STAT5B: variants seen among roughly 807,000 people sequenced by gnomAD.
STAT5B encodes the protein signal transducer and activator of transcription 5B, also known as transcription factor STAT5B.
Under a neutral mutation model 107.8 loss-of-function variants are expected in STAT5B, and 21 were observed. The observed-to-expected ratio is 0.19, with a 90% confidence interval of 0.14 to 0.28. The LOEUF (loss-of-function observed/expected upper bound fraction) is 0.28, where lower values mean the gene tolerates loss of function less well. Among genes scored for constraint, STAT5B ranks in the 10% least tolerant of loss-of-function variants. The pLI, the probability that STAT5B is intolerant of heterozygous loss-of-function variation, is 1.00. For missense variants in STAT5B, 565 were observed against 1,008.2 expected (o/e 0.56, Z 5.95); for synonymous variants, 325 against 401.7 (o/e 0.81, Z 2.28).
Position 42,276,385 on chromosome 17 carries a change from G to T in STAT5B, c.-148C>A, listed in dbSNP as rs891594690. ...GGTCCCCGCCCGGGGTGACGGCTCC[G>T]GCCGCCGACTCTCCTCCCGCCGGGG... On this transcript the variant is annotated 5_prime_UTR_variant, in exon 1 of 19. Transcript: ENST00000293328. This position sits in a 1 kb window ranked among gnomAD's most constrained non-coding sequence, Gnocchi z 4.8. 6.8e-6 allele frequency: 1 copy of T among 146,998 alleles called. No homozygotes were observed. The highest frequency in any genetic ancestry group is 2.1e-4 in the South Asian group (1 of 4,802). The allele number at this position is 146,998 out of a possible 1,614,324, so 9.1% of individuals were successfully genotyped here.
rs1420861616 is a variant in STAT5B at position 42,217,390 on chromosome 17, T to C, written c.1244A>G (p.His415Arg). The C allele has an allele frequency of 6.2e-7, 1 of 1,614,104 alleles. No individual in the cohort carries two copies. Among genetic ancestry groups the C allele is most frequent in the Non-Finnish European group, 8.5e-7 (1 of 1,180,050 alleles). The change falls in exon 10 of 19, where the codon CAC becomes CGC. Residue 415 changes from histidine to arginine, a missense_variant. By Grantham distance (29) the His-to-Arg change is conservative. Around this residue, in one of 11 missense-constraint regions of STAT5B, gnomAD observed 70 missense variants for 73.2 expected, o/e 0.96. Transcript: ENST00000293328. ...TTCCACCCTCACCATATTCCTGAAG[T>C]GGGCACTAAGGGTGCCTGTGGCTTG... is the stretch of plus-strand genomic sequence containing the variant. ...YHQATGTLSA[H>R]FRNMSLKRIK...
At chr17:42,246,903 A>G (rs2080456688) in intron 1 of STAT5B, among the ~76,000 whole-genome samples, 1 of 152,262 alleles carries the variant, frequency 6.6e-6, no homozygotes. Flanking sequence ...AGCTATCATT[A>G]CAAGAGCAGA....
intron 9 of STAT5B, 103 bp downstream of exon 9, chr17:42,218,048 C>A (rs1196834094): frequency 6.5e-7 from 1 of 1,544,246 alleles, no homozygotes; most frequent in South Asian, 1.2e-5. Context: ...CAGAAGAGGC[C>A]AGAAGGGCAA....
chr17:42,276,990 A>C (rs2080772335), upstream of STAT5B, among the ~76,000 whole-genome samples: 1 of 152,144 alleles, frequency 6.6e-6, no homozygotes, highest in African/African-American at 2.4e-5. The surrounding 1 kb of genome is among the most constrained non-coding windows in gnomAD (Gnocchi z 4.8). Context: ...TCCAGGGTGA[A>C]CCTACGGGGG....
At chr17:42,235,439 C>A (rs2080349092) in intron 1 of STAT5B, 1 of 151,942 alleles carries the variant, frequency 6.6e-6, no homozygotes, top group African/African-American at 2.4e-5. Flanking sequence ...GTATGAAACA[C>A]CAAGGCATGA....
At chr17:42,257,596 A>T (rs1323666611) in intron 1 of STAT5B, among the ~76,000 whole-genome samples, 1 of 152,236 alleles carries the variant, frequency 6.6e-6, no homozygotes, top group Non-Finnish European at 1.5e-5. Flanking sequence ...TTTACAGGAT[A>T]ACTTTCATGA....
chr17:42,259,708 A>T (rs1021741138), intron 1 of STAT5B, among the ~76,000 whole-genome samples: 3 of 151,380 alleles, frequency 2.0e-5, no homozygotes, highest in Non-Finnish European at 4.4e-5. Context: ...AATTGCTTGA[A>T]CCTGTCGGGG....
At position 42,262,954 on chromosome 17, in the gene STAT5B, G is replaced by A. The variant is rs182816833; in HGVS notation, c.-11+13294C>T. 3.6e-3 allele frequency among the ~76,000 whole-genome samples: 183 copies of A among 50,460 alleles called. 2 individuals are homozygous for A. The highest frequency in any genetic ancestry group is 0.015 in the African/African-American group (167 of 10,938). The allele number at this position is 50,460 out of a possible 152,430, so 33.1% of individuals were successfully genotyped here. ...TATATGTATATATATGTGTGTGTGT[G>A]TGTGTGTGTGTGTGTGTATATATAT... is the stretch of plus-strand genomic sequence containing the variant. On this transcript the variant is annotated intron_variant, in intron 1 of 18. Transcript: ENST00000293328.
chr17:42,243,249 T>G (rs55883500), intron 1 of STAT5B, among the ~76,000 whole-genome samples: 53,923 of 151,952 alleles, frequency 0.35, 10,689 homozygotes, highest in African/African-American at 0.53. Context: ...GCAGCTACTC[T>G]GAAGGCTGAG....
chr17:42,269,237 C>T (rs1262030553), intron 1 of STAT5B, among the ~76,000 whole-genome samples: 1 of 152,050 alleles, frequency 6.6e-6, no homozygotes, highest in African/African-American at 2.4e-5. Context: ...CCACACCTGG[C>T]TAATTTTTGT....
Position 42,217,295 on chromosome 17 carries a change from A to C in STAT5B, c.1258-13T>G. ...TTCGTTTCAGGGACTACAAAGAAGA[A>C]ACATAAGATGAAACGTAAGATATAA... On this transcript the variant is annotated splice_polypyrimidine_tract_variant and intron_variant, in intron 10 of 18. Transcript: ENST00000293328. 2 of 1,614,224 alleles carry C rather than the reference A, an allele frequency of 1.2e-6. No homozygotes were observed. Among genetic ancestry groups the C allele is most frequent in the South Asian group, 1.1e-5 (1 of 91,088 alleles).
chr17:42,281,882 G>A, the STAT5B span, among the ~76,000 whole-genome samples: 1 of 152,240 alleles, frequency 6.6e-6, no homozygotes. Context: ...ACGCAGAGGA[G>A]GGAGCAGAGT....
intron 8 of STAT5B, 64 bp from the exon 9 acceptor site, chr17:42,218,394 C>G (rs1317168528): frequency 6.3e-7 from 1 of 1,579,684 alleles, no homozygotes; most frequent in Non-Finnish European, 8.6e-7. Flanking sequence ...GCTCTCAGTC[C>G]CTCTGTGGTG....
chr17:42,220,463 C>G (rs2080215397), intron 5 of STAT5B, among the ~76,000 whole-genome samples: 1 of 152,154 alleles, frequency 6.6e-6, no homozygotes, highest in South Asian at 2.1e-4. Flanking sequence ...GCAGCAAGGC[C>G]TCTTCAGGGA....
chr17:42,219,566 A>G lies in STAT5B; in HGVS notation c.682-103T>C, dbSNP rs540669351. Reference sequence around the variant, plus strand: ...GGGCCCAGGCCGTTCCCTCTCCCCAAGCTGCTCTGCCTCGCAAGGCCCCCA... The same window carrying G: ...GGGCCCAGGCCGTTCCCTCTCCCCAGGCTGCTCTGCCTCGCAAGGCCCCCA... On this transcript the variant is annotated intron_variant, in intron 6 of 18. Transcript: ENST00000293328. 3.4e-3 allele frequency: 4,055 copies of G among 1,177,840 alleles called. 110 individuals carry two copies. The African/African-American group carries it at 0.058, about 17-fold the overall frequency. 73.0% of individuals were successfully genotyped at this position (1,177,840 alleles called of 1,614,324 possible). A position where few individuals can be genotyped will look rare whatever the true frequency, so the allele number is the denominator to read the frequency against.
intron 1 of STAT5B, among the ~76,000 whole-genome samples, chr17:42,250,859 G>A (rs917243561): frequency 6.6e-6 from 1 of 151,344 alleles, no homozygotes; most frequent in Non-Finnish European, 1.5e-5. Flanking sequence ...AGGAGGCGGA[G>A]GATGCAGTGA....
chr17:42,281,204 C>T (rs1451422221), upstream of STAT5B, among the ~76,000 whole-genome samples: 4 of 152,018 alleles, frequency 2.6e-5, no homozygotes, highest in South Asian at 4.1e-4. Context: ...CTTAATGTCT[C>T]TGAGGATCTC....
the STAT5B span, among the ~76,000 whole-genome samples, chr17:42,283,599 T>C: frequency 6.6e-6 from 1 of 152,198 alleles, no homozygotes; most frequent in Non-Finnish European, 1.5e-5. Flanking sequence ...CAGGATGGCC[T>C]TGTGTTCTCT....
chr17:42,240,189 G>A (rs140219993), intron 1 of STAT5B, among the ~76,000 whole-genome samples: 1,803 of 152,222 alleles, frequency 0.012, 10 homozygotes, highest in Non-Finnish European at 0.018. Context: ...GTTCACAGCT[G>A]CATTATTCAT....
Sources: allele counts gnomAD v4.1 joint callset (sites outside exome capture counted in the v4.1 genomes callset), GRCh38; gene constraint gnomAD v4.1.1; regional missense constraint gnomAD v4.1.1; non-coding constraint Gnocchi (gnomAD v3.1); transcripts MANE v1.5; gene names NCBI Gene and HGNC (gene_info 2026-07-23, HGNC 2026-07-21).